The following DGKB variants were observed in gnomAD, a reference collection of about 807,000 sequenced individuals.
The protein encoded by DGKB is diacylglycerol kinase beta.
Under a neutral mutation model 114.3 loss-of-function variants are expected in DGKB, and 67 were observed. That is an observed-to-expected ratio of 0.59 (90% confidence interval 0.48 to 0.72). The LOEUF is 0.72. DGKB is among the 30% of genes least tolerant of loss of function. The pLI is 0.00. For synonymous variants in DGKB, 398 were observed against 323.1 expected, an observed-to-expected ratio of 1.23 and a Z score of -2.49; for missense variants, 907 against 975.2, an observed-to-expected ratio of 0.93 and a Z score of 0.93.
intron 4 of DGKB, among the ~76,000 whole-genome samples, chr7:14,747,771 A>ACGCACGCG (rs1554636358): frequency 4.3e-5 from 4 of 92,108 alleles, no homozygotes; most frequent in South Asian, 6.7e-4. Flanking sequence ...AAACACATCC[A>ACGCACGCG]CGCGCACGCA....
At chr7:14,438,342 C>G (rs1302447523) in intron 21 of DGKB, among the ~76,000 whole-genome samples, 1 of 152,064 alleles carries the variant, frequency 6.6e-6, no homozygotes, top group Non-Finnish European at 1.5e-5. Context: ...ACAGTGCTAC[C>G]AAGCACGTCA....
intron 13 of DGKB, among the ~76,000 whole-genome samples, chr7:14,671,337 T>A (rs1818926724): frequency 6.6e-6 from 1 of 152,028 alleles, no homozygotes; most frequent in Non-Finnish European, 1.5e-5. Context: ...AAGGACGAAA[T>A]GCTCAATAGT....
intron 1 of DGKB, among the ~76,000 whole-genome samples, chr7:14,884,782 T>TA (rs1187984220): frequency 3.3e-5 from 5 of 152,108 alleles, no homozygotes; most frequent in Admixed American, 2.0e-4. Context: ...TGTCAGAATT[T>TA]AGACCAGAGG....
At chr7:14,611,946 T>G (rs1805624434) in intron 16 of DGKB, among the ~76,000 whole-genome samples, 1 of 151,700 alleles carries the variant, frequency 6.6e-6, no homozygotes, top group Non-Finnish European at 1.5e-5. Flanking sequence ...AAACTATCAA[T>G]AACATATACA....
chr7:14,606,073 AAC>A (rs1460911087), intron 17 of DGKB, among the ~76,000 whole-genome samples: 2 of 152,172 alleles, frequency 1.3e-5, no homozygotes, highest in Admixed American at 1.3e-4. Flanking sequence ...TTAGAATGGC[AAC>A]AGTTTTGAAT....
chr7:14,692,640 T>C (rs1585703303), intron 9 of DGKB, among the ~76,000 whole-genome samples: 1 of 151,328 alleles, frequency 6.6e-6, no homozygotes, highest in Non-Finnish European at 1.5e-5. Context: ...AAGAAAATAC[T>C]ATTTCACAAA....
Position 14,707,591 on chromosome 7 carries a change from C to T in DGKB, c.467-5861G>A, listed in dbSNP as rs1426173267. Among the ~76,000 whole-genome samples the T allele has an allele frequency of 3.8e-5, 3 of 79,092 alleles. 1 individual carries two copies. The highest frequency in any genetic ancestry group is 1.4e-4 in the African/African-American group (3 of 21,100). The allele number at this position is 79,092 out of a possible 152,430, so 51.9% of individuals were successfully genotyped here. On this transcript the variant is annotated intron_variant, in intron 6 of 25. Transcript: ENST00000402815. ...CAATAAAATACTGGCAAACCGAATC[C>T]AGCAGCACATCAAAAAGCTTATCCA...
At chr7:14,839,071 C>G (rs1298775694) in intron 2 of DGKB, among the ~76,000 whole-genome samples, 2 of 152,100 alleles carry the variant, frequency 1.3e-5, no homozygotes, top group Admixed American at 1.3e-4. Flanking sequence ...ACCTTAAAGT[C>G]TGCTTGTATC....
chr7:14,800,159 G>T (rs140245206), intron 2 of DGKB, among the ~76,000 whole-genome samples: 2 of 152,052 alleles, frequency 1.3e-5, no homozygotes, highest in South Asian at 4.1e-4. Context: ...CTCATGATCC[G>T]CCCACCTCGG....
intron 2 of DGKB, among the ~76,000 whole-genome samples, chr7:14,830,107 C>T (rs1846209178): frequency 6.6e-6 from 1 of 151,812 alleles, no homozygotes; most frequent in South Asian, 2.1e-4. Context: ...TAAAATGTGC[C>T]CTCCAGGAAG....
intron 14 of DGKB, among the ~76,000 whole-genome samples, chr7:14,625,599 T>G (rs1433244691): frequency 6.6e-6 from 1 of 152,166 alleles, no homozygotes; most frequent in African/African-American, 2.4e-5. Flanking sequence ...GGGACAAAGT[T>G]TGCCATTTAA....
chr7:14,285,268 C>T (rs1195148173), intron 23 of DGKB, among the ~76,000 whole-genome samples: 3 of 152,120 alleles, frequency 2.0e-5, no homozygotes, highest in Non-Finnish European at 4.4e-5. Flanking sequence ...TTGAAAAAGA[C>T]GTGCAACTTA....
intron 17 of DGKB, among the ~76,000 whole-genome samples, chr7:14,602,041 C>T (rs755243269): frequency 1.3e-5 from 2 of 152,006 alleles, no homozygotes; most frequent in Non-Finnish European, 2.9e-5. Context: ...GCACCTTCTA[C>T]GTTTTTAGGA....
chr7:14,567,149 A>G (rs1201243814), intron 20 of DGKB, among the ~76,000 whole-genome samples: 1 of 99,586 alleles, frequency 1.0e-5, no homozygotes, highest in Non-Finnish European at 1.9e-5. Flanking sequence ...TTATATATAT[A>G]ATATACAATT....
chr7:14,434,944 T>A (rs1829017967), intron 21 of DGKB, among the ~76,000 whole-genome samples: 1 of 152,102 alleles, frequency 6.6e-6, no homozygotes, highest in South Asian at 2.1e-4. Context: ...GCCAGTACCA[T>A]CTCTTGACCT....
At chr7:14,914,950 G>T (rs1784167961) in intron 1 of DGKB, among the ~76,000 whole-genome samples, 1 of 152,024 alleles carries the variant, frequency 6.6e-6, no homozygotes, top group South Asian at 2.1e-4. Flanking sequence ...TTGAACACAG[G>T]AGGAAAATAA....
intron 20 of DGKB, among the ~76,000 whole-genome samples, chr7:14,522,823 G>A (rs903381378): frequency 9.9e-5 from 15 of 152,126 alleles, no homozygotes; most frequent in African/African-American, 2.7e-4. Context: ...ATTGACTTTC[G>A]ACTGCTTGAT....
intron 1 of DGKB, among the ~76,000 whole-genome samples, chr7:14,846,671 C>T (rs1848664432): frequency 6.6e-6 from 1 of 152,226 alleles, no homozygotes; most frequent in African/African-American, 2.4e-5. Flanking sequence ...GAGGGATCCA[C>T]TTTGCTGGCT....
At chr7:14,429,556 G>C (rs1264978436) in intron 21 of DGKB, among the ~76,000 whole-genome samples, 1 of 152,104 alleles carries the variant, frequency 6.6e-6, no homozygotes, top group Non-Finnish European at 1.5e-5. Flanking sequence ...TAGTCACATG[G>C]AAGATATATC....
Sources: allele counts gnomAD v4.1 joint callset (sites outside exome capture counted in the v4.1 genomes callset), GRCh38; gene constraint gnomAD v4.1.1; transcripts MANE v1.5; gene names NCBI Gene and HGNC (gene_info 2026-07-23, HGNC 2026-07-21).